Variants in AGMO observed in about 807,000 individuals in gnomAD.
AGMO encodes alkylglycerol monooxygenase.
AGMO carries 75 observed loss-of-function variants against 60.2 expected under a neutral mutation model. The observed-to-expected ratio is 1.25, with a 90% CI of 1.03 to 1.51. The LOEUF (loss-of-function observed/expected upper bound fraction) is 1.51. Ranked by LOEUF, AGMO falls within the 40% of genes most tolerant of loss-of-function variation. AGMO has a pLI of 0.00. For missense variants in AGMO, 763 were observed against 525.5 expected (o/e 1.45, Z -4.42); for synonymous variants, 261 against 177.1 (o/e 1.47, Z -3.76).
At chr7:15,354,535 T>G (rs1220692107) in intron 12 of AGMO, among the ~76,000 whole-genome samples, 2 of 97,880 alleles carry the variant, frequency 2.0e-5, no homozygotes, top group African/African-American at 7.1e-5. Flanking sequence ...TATATATATA[T>G]ATATAGCTCC....
intron 12 of AGMO, among the ~76,000 whole-genome samples, chr7:15,223,514 T>C (rs1480488349): frequency 6.6e-6 from 1 of 151,934 alleles, no homozygotes; most frequent in East Asian, 1.9e-4. Flanking sequence ...AAAGAAAATG[T>C]AAAGAACAGA....
intron 10 of AGMO, among the ~76,000 whole-genome samples, chr7:15,382,963 A>G (rs1562474698): frequency 6.6e-6 from 1 of 151,482 alleles, no homozygotes; most frequent in Non-Finnish European, 1.5e-5. Flanking sequence ...TGCCTACTTG[A>G]GCCTATTTGC....
chr7:15,142,871 G>T, the AGMO span, among the ~76,000 whole-genome samples: 1 of 152,146 alleles, frequency 6.6e-6, no homozygotes, highest in Non-Finnish European at 1.5e-5. Flanking sequence ...GTGAAACTAA[G>T]AAACTTGCAG....
intron 12 of AGMO, among the ~76,000 whole-genome samples, chr7:15,309,052 A>G (rs866485218): frequency 3.9e-4 from 59 of 152,240 alleles, no homozygotes; most frequent in African/African-American, 1.3e-3. Context: ...GGCTGAAACC[A>G]TTTGCTCCAT....
intron 12 of AGMO, among the ~76,000 whole-genome samples, chr7:15,347,633 G>C (rs183828548): frequency 1.4e-4 from 21 of 152,046 alleles, no homozygotes; most frequent in African/African-American, 5.1e-4. Context: ...TGTGGGCGCA[G>C]TGTGGCCAGA....
chr7:15,140,744 T>G, the AGMO span, among the ~76,000 whole-genome samples: 697 of 152,290 alleles, frequency 4.6e-3, 3 homozygotes, highest in African/African-American at 0.016. Context: ...TCTTTCAAAT[T>G]TTTGGATTTT....
chr7:15,260,898 AC>A (rs200806642), intron 12 of AGMO, among the ~76,000 whole-genome samples: 3,078 of 152,200 alleles, frequency 0.02, 92 homozygotes, highest in African/African-American at 0.071. Context: ...AAATTAAATA[AC>A]CTGCTCCTAA....
the AGMO span, among the ~76,000 whole-genome samples, chr7:15,125,965 A>G: frequency 6.6e-6 from 1 of 152,162 alleles, no homozygotes; most frequent in Admixed American, 6.6e-5. Context: ...GGTACTTAAC[A>G]GGTACTTAAT....
chr7:15,217,101 T>C (rs141514811), intron 12 of AGMO, among the ~76,000 whole-genome samples: 1 of 152,142 alleles, frequency 6.6e-6, no homozygotes, highest in East Asian at 1.9e-4. Context: ...GGAAATACAG[T>C]TGAAGTTGTG....
chr7:15,492,970 T>G (rs1435431671), intron 3 of AGMO, among the ~76,000 whole-genome samples: 6 of 152,152 alleles, frequency 3.9e-5, no homozygotes, highest in Non-Finnish European at 7.4e-5. Context: ...ACATTCAGAA[T>G]GTTTTACAGG....
intron 12 of AGMO, among the ~76,000 whole-genome samples, chr7:15,204,223 T>C (rs1297669077): frequency 1.3e-5 from 2 of 152,246 alleles, no homozygotes; most frequent in Non-Finnish European, 2.9e-5. Flanking sequence ...GCCAGAAAAT[T>C]ATTTAACATA....
intron 12 of AGMO, among the ~76,000 whole-genome samples, chr7:15,251,148 T>A (rs933983972): frequency 6.6e-6 from 1 of 152,184 alleles, no homozygotes; most frequent in African/African-American, 2.4e-5. Flanking sequence ...CCTCTTTCTT[T>A]GGGACAGCCT....
At chr7:15,268,679 T>C (rs1783506766) in intron 12 of AGMO, among the ~76,000 whole-genome samples, 1 of 151,568 alleles carries the variant, frequency 6.6e-6, no homozygotes, top group Non-Finnish European at 1.5e-5. Flanking sequence ...TGATACATAG[T>C]CAAATAAAGT....
Position 15,447,718 on chromosome 7 carries a change from A to AT in AGMO, c.410-16611dup, listed in dbSNP as rs1041470865. On this transcript the variant is annotated intron_variant, in intron 3 of 12. Transcript: ENST00000342526. ...GACACACGCCACCACACCTGGCTAA[A>AT]TTTTTTTTTTTTTCAGTAGAGACAG... Among the ~76,000 whole-genome samples the AT allele has an allele frequency of 9.9e-5, 15 of 150,858 alleles. 1 individual carries two copies. The East Asian group carries it at 1.6e-3, about 16-fold the overall frequency.
At chr7:15,174,955 T>G in the AGMO span, among the ~76,000 whole-genome samples, 2 of 151,832 alleles carry the variant, frequency 1.3e-5, no homozygotes, top group African/African-American at 4.8e-5. Context: ...TTCAATAGTT[T>G]GAATCATGAA....
At chr7:15,120,911 C>T in the AGMO span, among the ~76,000 whole-genome samples, 1 of 151,994 alleles carries the variant, frequency 6.6e-6, no homozygotes, top group African/African-American at 2.4e-5. Context: ...CCTATCAACC[C>T]GTCTTCCAGG....
At chr7:15,337,172 G>A (rs796571220) in intron 12 of AGMO, among the ~76,000 whole-genome samples, 2 of 152,088 alleles carry the variant, frequency 1.3e-5, no homozygotes, top group Non-Finnish European at 2.9e-5. Context: ...TGCAACTACA[G>A]GCTTTCTAAA....
intron 12 of AGMO, among the ~76,000 whole-genome samples, chr7:15,317,592 C>T (rs1271790290): frequency 1.3e-5 from 2 of 151,946 alleles, no homozygotes; most frequent in Non-Finnish European, 2.9e-5. Context: ...TTTAAATCCC[C>T]TTATGATCTT....
chr7:15,323,578 T>A (rs1457427488), intron 12 of AGMO, among the ~76,000 whole-genome samples: 1 of 152,148 alleles, frequency 6.6e-6, no homozygotes, highest in Non-Finnish European at 1.5e-5. Flanking sequence ...TCTAGGTAGG[T>A]CACTAAAACA....
Sources: gnomAD v4.1 joint callset for allele counts (sites outside exome capture counted in the v4.1 genomes callset) on GRCh38, gnomAD v4.1.1 for gene constraint, MANE v1.5 for transcripts, NCBI Gene and HGNC (gene_info 2026-07-23, HGNC 2026-07-21) for gene names.